MIIP: variants seen among roughly 807,000 people sequenced by gnomAD.
MIIP encodes migration and invasion-inhibitory protein.
In MIIP, 44 loss-of-function variants were observed where a neutral mutation model predicts 44.8. The observed-to-expected ratio is 0.98, with a 90% CI of 0.77 to 1.26. The LOEUF (loss-of-function observed/expected upper bound fraction) is 1.26. Ranked by LOEUF, MIIP falls within the 50% of genes most tolerant of loss-of-function variation. MIIP has a pLI of 0.00. For synonymous variants in MIIP, 225 were observed against 218.3 expected (o/e 1.03, Z -0.27); for missense variants, 496 against 511.7 (o/e 0.97, Z 0.30).
chr1:12,028,958 C>A, intron 4 of MIIP, 75 bp from the exon 5 acceptor site: 2 of 1,289,114 alleles, frequency 1.6e-6, no homozygotes, highest in Non-Finnish European at 2.2e-6. Flanking sequence ...ATCGTCTCTC[C>A]AAGCCTTGGC....
intron 1 of MIIP, among the ~76,000 whole-genome samples, chr1:12,020,564 G>A (rs897273640): frequency 3.3e-5 from 5 of 152,142 alleles, no homozygotes; most frequent in Non-Finnish European, 5.9e-5. Flanking sequence ...CTGGAGTGCA[G>A]TAGTGTGATC....
intron 1 of MIIP, among the ~76,000 whole-genome samples, chr1:12,019,937 C>T (rs1442961891): frequency 3.3e-5 from 5 of 152,252 alleles, no homozygotes; most frequent in African/African-American, 7.2e-5. Flanking sequence ...ACAGTTGGCC[C>T]CTCTGGACTG....
rs869060053 is a variant in MIIP, at chr1:12,023,059, CTTTTTTTTTT to C, written c.547+155_547+164del. ...TGCCATCCTCCGTGGGGAGCACCCT[CTTTTTTTTTT>C]TTTTTTTTTTTTGAGACGGAGTCTC... On this transcript the variant is annotated intron_variant, in intron 4 of 9. Transcript: ENST00000235332. The C allele has an allele frequency of 4.9e-3, 1,748 of 353,308 alleles. 3 individuals are homozygous for C. The highest frequency in any genetic ancestry group is 8.0e-3 in the Admixed American group (175 of 21,794). The allele number at this position is 353,308 out of a possible 1,614,324, so 21.9% of individuals were successfully genotyped here.
chr1:12,022,871 G>A lies in MIIP; in HGVS notation c.501G>A (p.Lys167=). Residue 167 remains lysine, a synonymous_variant, in exon 4 of 10, where the codon AAG becomes AAA. Transcript: ENST00000235332. ...VTFSEESAVP[K]RSWRLRPYLG... is the part of the protein sequence containing the mutation. ...TCTCTGAGGAGTCTGCAGTTCCTAA[G>A]AGGAGCTGGCGCCTCAGGCCATACC... 1 of 1,610,250 alleles carries A rather than the reference G, an allele frequency of 6.2e-7. No homozygotes were observed. Among genetic ancestry groups the A allele is most frequent in the Non-Finnish European group, 8.5e-7 (1 of 1,178,140 alleles).
chr1:12,022,210 C>A lies in MIIP; in HGVS notation c.230C>A (p.Pro77Gln). The change falls in exon 3 of 10, where the codon CCA becomes CAA. Residue 77 changes from proline to glutamine, a missense_variant. By Grantham distance (76) the Pro-to-Gln change is moderately conservative. Transcript: ENST00000235332. The stretch of plus-strand genomic sequence containing the variant: ...GGCCGGTCCTCCGTGTGGGGCCCAC[C>A]AGATGCCTGTCGAGGGGACCTCCGT... ...PRGRSSVWGP[P>Q]DACRGDLRDV... 1 of 1,613,166 alleles carries A rather than the reference C, an allele frequency of 6.2e-7. No individual in the cohort carries two copies. The highest frequency in any genetic ancestry group is 8.5e-7 in the Non-Finnish European group (1 of 1,179,566).
chr1:12,031,571 T>C, intron 9 of MIIP, 151 bp from the exon 10 acceptor site: 1 of 1,594,614 alleles, frequency 6.3e-7, no homozygotes, highest in Non-Finnish European at 8.5e-7. Context: ...ACCCTAGCCA[T>C]CCCTCGGAAC....
intron 4 of MIIP, among the ~76,000 whole-genome samples, chr1:12,024,348 T>C (rs556508588): frequency 1.3e-5 from 2 of 152,336 alleles, no homozygotes; most frequent in South Asian, 2.1e-4. Flanking sequence ...CCCCCTGGCC[T>C]ATGTCCCATT....
chr1:12,023,057 C>CTTT, intron 4 of MIIP, 140 bp downstream of exon 4: 1 of 522,142 alleles, frequency 1.9e-6, no homozygotes, highest in Non-Finnish European at 3.3e-6. Context: ...GGGGAGCACC[C>CTTT]TCTTTTTTTT....
chr1:12,029,238 C>CCTGCGTGAGAGCAGTGG lies in MIIP; in HGVS notation c.674_690dup (p.Ser231CysfsTer59). 1 of 1,613,676 alleles carries CCTGCGTGAGAGCAGTGG rather than the reference C, an allele frequency of 6.2e-7. No individual in the cohort carries two copies. Among genetic ancestry groups the CCTGCGTGAGAGCAGTGG allele is most frequent in the South Asian group, 1.1e-5 (1 of 91,086 alleles). On this transcript the variant is annotated frameshift_variant, in exon 6 of 10. Transcript: ENST00000235332. LOFTEE classifies it high-confidence loss of function. The stretch of plus-strand genomic sequence containing the variant: ...GCCCTCTCAGACCCCAGTTGCCAGG[C>CCTGCGTGAGAGCAGTGG]CTGCGTGAGAGCAGTGGCAGCGGCG...
rs1471435707 is a variant in MIIP at position 12,031,773 on chromosome 1, G to A, written c.1132G>A (p.Val378Ile). ...PPTPTWSVPQ[V>I]PRPHVPRQKP The stretch of plus-strand genomic sequence containing the variant: ...GACCCCGACCTGGTCAGTGCCCCAG[G>A]TCCCTCGGCCCCACGTCCCACGGCA... Residue 378 changes from valine to isoleucine, a missense_variant, in exon 10 of 10, where the codon GTC becomes ATC. Coordinates refer to ENST00000235332, the MANE Select transcript of MIIP (RefSeq NM_021933.4). The A allele has an allele frequency of 1.7e-5, 28 of 1,613,852 alleles. No individual in the cohort carries two copies. The highest frequency in any genetic ancestry group is 2.3e-5 in the Non-Finnish European group (27 of 1,179,950).
At chr1:12,024,743 G>A (rs1211113975) in intron 4 of MIIP, among the ~76,000 whole-genome samples, 1 of 152,074 alleles carries the variant, frequency 6.6e-6, no homozygotes, top group Admixed American at 6.6e-5. Context: ...ACTGTTAAGC[G>A]GCGTCAACTA....
intron 8 of MIIP, among the ~76,000 whole-genome samples, chr1:12,030,329 G>C (rs1188659077): frequency 6.6e-6 from 1 of 152,124 alleles, no homozygotes; most frequent in African/African-American, 2.4e-5. Flanking sequence ...GTGCTTCCAG[G>C]GTGATCTGCC....
At chr1:12,020,246 A>T (rs111776219) in intron 1 of MIIP, among the ~76,000 whole-genome samples, 2 of 152,176 alleles carry the variant, frequency 1.3e-5, no homozygotes, top group African/African-American at 4.8e-5. Flanking sequence ...GTTTCTTCAT[A>T]TGTAAAAAGA....
rs1243412070 is a variant in MIIP at position 12,021,808 on chromosome 1, G to A, written c.82G>A (p.Val28Met). ...GCAGCTGTGGGTGGGGCAGGATGCT[G>A]TGCGGCGGTCAGTGGCCAGGGCAGC... ...LRQLWVGQDAVRRSVARAASE... is the reference protein window; with the variant it reads ...LRQLWVGQDAMRRSVARAASE... The change falls in exon 2 of 10, where the codon GTG becomes ATG. Residue 28 changes from valine (V) to methionine (M), a missense_variant. Physicochemically the swap from Val to Met is conservative, Grantham distance 21 (BLOSUM62 1). Coordinates refer to ENST00000235332, the MANE Select transcript of MIIP (RefSeq NM_021933.4). 20 of 1,611,810 alleles carry A rather than the reference G, an allele frequency of 1.2e-5. No homozygotes were observed. Among genetic ancestry groups the A allele is most frequent in the African/African-American group, 2.7e-5 (2 of 74,928 alleles).
intron 1 of MIIP, among the ~76,000 whole-genome samples, chr1:12,019,836 C>G (rs1244672686): frequency 6.6e-6 from 1 of 152,246 alleles, no homozygotes; most frequent in African/African-American, 2.4e-5. Flanking sequence ...TGACCCCGTG[C>G]GAAAACGGCG....
rs1374321631 is a variant in MIIP, at chr1:12,029,775, T to A, written c.726T>A (p.Cys242Ter). 6.2e-7 allele frequency: 1 copy of A among 1,612,962 alleles called. No individual in the cohort carries two copies. Residue 242 changes from cysteine to a stop codon, truncating the protein, a stop_gained, in exon 7 of 10, where the codon TGT becomes TGA. Coordinates refer to ENST00000235332, the MANE Select transcript of MIIP (RefSeq NM_021933.4). LOFTEE classifies it high-confidence loss of function. ...TCATGGGCCTCGCAGGCGTGTACTGTTACCGTGTCAACCGGCGCCTGTTCC... is the reference window on the plus strand; with the variant it reads ...TCATGGGCCTCGCAGGCGTGTACTGATACCGTGTCAACCGGCGCCTGTTCC... ...GVEEDHECVY[C>*]YRVNRRLFPV...
intron 3 of MIIP, 133 bp from the exon 4 acceptor site, chr1:12,022,700 G>T: frequency 1.4e-6 from 1 of 736,676 alleles, no homozygotes; most frequent in South Asian, 1.8e-5. Flanking sequence ...TCTTGCTCTT[G>T]TGCCCTTGGC....
chr1:12,022,843 CCTT>C lies in MIIP; in HGVS notation c.476_478del (p.Phe159del). 2 of 1,605,058 alleles carry C rather than the reference CCTT, an allele frequency of 1.2e-6. No homozygotes were observed. Among genetic ancestry groups the C allele is most frequent in the Non-Finnish European group, 1.7e-6 (2 of 1,175,326 alleles). Reference sequence around the variant, plus strand: ...TGCTTCCTTCCTCAGCCCAGGGTGACCTTCTCTGAGGAGTCTGCAGTTCCTAAG... The same window carrying C: ...TGCTTCCTTCCTCAGCCCAGGGTGACCTCTGAGGAGTCTGCAGTTCCTAAG... On this transcript the variant is annotated inframe_deletion, in exon 4 of 10. Transcript: ENST00000235332.
At position 12,022,183 on chromosome 1, in the gene MIIP, G is replaced by A. The variant is rs770513586; in HGVS notation, c.203G>A (p.Arg68Gln). ...ACTTCCTTGAGCACCTCCTGCCCACGGGGCCGGTCCTCCGTGTGGGGCCCA... is the reference window on the plus strand; with the variant it reads ...ACTTCCTTGAGCACCTCCTGCCCACAGGGCCGGTCCTCCGTGTGGGGCCCA... ...SSTSLSTSCP[R>Q]GRSSVWGPPD... Residue 68 changes from arginine to glutamine, a missense_variant, in exon 3 of 10, where the codon CGG (arginine) becomes CAG (glutamine). Coordinates refer to ENST00000235332, the MANE Select transcript of MIIP (RefSeq NM_021933.4). 5 of 1,613,714 alleles carry A rather than the reference G, an allele frequency of 3.1e-6. No individual in the cohort carries two copies. The East Asian group carries it at 6.7e-5, about 22-fold the overall frequency.
Sources: allele counts gnomAD v4.1 joint callset (sites outside exome capture counted in the v4.1 genomes callset), GRCh38; gene constraint gnomAD v4.1.1; transcripts MANE v1.5; gene names NCBI Gene and HGNC (gene_info 2026-07-23, HGNC 2026-07-21).